The following OSBPL8 variants were observed in gnomAD, a reference collection of about 807,000 sequenced individuals.
The protein encoded by OSBPL8 is oxysterol-binding protein-related protein 8.
A neutral mutation model predicts 125.5 loss-of-function variants in OSBPL8; 59 were observed. The observed-to-expected ratio is 0.47, with a 90% CI of 0.38 to 0.58. OSBPL8 has a LOEUF of 0.58. Ranked by LOEUF, OSBPL8 falls within the 20% of genes least tolerant of loss-of-function variation. The probability of loss-of-function intolerance (pLI) is 0.00; values close to 1 mark genes in which losing one functional copy is unlikely to be tolerated. For missense variants in OSBPL8, 758 were observed against 1,047.8 expected (o/e 0.72, Z 3.82); for synonymous variants, 330 against 338.9 (o/e 0.97, Z 0.29).
rs551130812 is a variant in OSBPL8 at position 76,519,404 on chromosome 12, T to C, written c.-67-31786A>G. Among the ~76,000 whole-genome samples the C allele has an allele frequency of 1.8e-4, 27 of 152,300 alleles. No individual in the cohort carries two copies. In the South Asian group the frequency reaches 5.4e-3, roughly 30 times the overall value. ...TATCAGTATTTTGGTCACAACCGTT[T>C]ATCCAGTATCTAAGAAATTCCAAAC... On this transcript the variant is annotated intron_variant, in intron 1 of 23. Transcript: ENST00000261183.
At chr12:76,359,666 G>C (rs986801768) in intron 21 of OSBPL8, among the ~76,000 whole-genome samples, 18 of 152,254 alleles carry the variant, frequency 1.2e-4, no homozygotes, top group African/African-American at 4.3e-4. Flanking sequence ...TGCAGAGGTC[G>C]CAAAATCATG....
At chr12:76,451,087 G>T in intron 3 of OSBPL8, 99 bp from the exon 4 acceptor site, 1 of 1,263,638 alleles carries the variant, frequency 7.9e-7, no homozygotes, top group Non-Finnish European at 1.1e-6. Context: ...AAATGGCCTT[G>T]GTGGTTATAT....
chr12:76,443,663 C>T (rs533869303), intron 4 of OSBPL8, among the ~76,000 whole-genome samples: 2 of 152,254 alleles, frequency 1.3e-5, no homozygotes, highest in South Asian at 2.1e-4. Flanking sequence ...CATGCACCAT[C>T]ATGCCTGGCT....
At chr12:76,556,737 C>T (rs377196570) in intron 1 of OSBPL8, among the ~76,000 whole-genome samples, 2 of 152,158 alleles carry the variant, frequency 1.3e-5, no homozygotes, top group Non-Finnish European at 2.9e-5. Context: ...GATCTTGGCT[C>T]GTTGCAATCT....
intron 4 of OSBPL8, among the ~76,000 whole-genome samples, chr12:76,430,079 T>G (rs1355667620): frequency 6.6e-6 from 1 of 152,090 alleles, no homozygotes; most frequent in East Asian, 1.9e-4. Flanking sequence ...AGCCCCACTC[T>G]AGACCTCAAA....
chr12:76,484,184 C>T (rs920299683), intron 2 of OSBPL8, among the ~76,000 whole-genome samples: 2 of 152,166 alleles, frequency 1.3e-5, no homozygotes, highest in African/African-American at 2.4e-5. Context: ...TTCCATCCTG[C>T]CTTAATATTT....
chr12:76,414,567 A>T (rs35461087), intron 4 of OSBPL8, among the ~76,000 whole-genome samples: 76,853 of 149,496 alleles, frequency 0.51, 21,323 homozygotes, highest in African/African-American at 0.72. Context: ...TCCTTCAACC[A>T]CAGCCTCCTG....
At chr12:76,553,602 G>C (rs1951007062) in intron 1 of OSBPL8, among the ~76,000 whole-genome samples, 2 of 151,812 alleles carry the variant, frequency 1.3e-5, no homozygotes, top group Admixed American at 1.3e-4. Flanking sequence ...GAGCCTGGGA[G>C]GTCGAGGCTG....
intron 4 of OSBPL8, among the ~76,000 whole-genome samples, chr12:76,432,054 T>C (rs1292341757): frequency 6.6e-6 from 1 of 152,070 alleles, no homozygotes; most frequent in East Asian, 1.9e-4. Context: ...AACGAAACAG[T>C]AAGTAATCAA....
At chr12:76,416,852 A>G (rs1368019618) in intron 4 of OSBPL8, among the ~76,000 whole-genome samples, 3 of 151,994 alleles carry the variant, frequency 2.0e-5, no homozygotes, top group African/African-American at 7.2e-5. Context: ...CCCATACTCT[A>G]TTGTCCTCTA....
At chr12:76,491,115 T>C (rs546352429) in intron 1 of OSBPL8, among the ~76,000 whole-genome samples, 6 of 152,178 alleles carry the variant, frequency 3.9e-5, no homozygotes, top group Admixed American at 3.9e-4. Flanking sequence ...GAGTGGAGAG[T>C]AGCAGGCTGA....
At chr12:76,392,530 G>C in intron 10 of OSBPL8, 51 bp downstream of exon 10, 2 of 1,506,598 alleles carry the variant, frequency 1.3e-6, no homozygotes, top group Non-Finnish European at 1.8e-6. Context: ...CTAATTTTGT[G>C]AACAGTATGG....
chr12:76,404,971 T>C (rs1275278338), intron 5 of OSBPL8, among the ~76,000 whole-genome samples: 1 of 152,186 alleles, frequency 6.6e-6, no homozygotes, highest in Non-Finnish European at 1.5e-5. Context: ...GTATCCCTCT[T>C]TTACTAATGA....
At chr12:76,435,623 C>T (rs1381163796) in intron 4 of OSBPL8, among the ~76,000 whole-genome samples, 8 of 151,850 alleles carry the variant, frequency 5.3e-5, no homozygotes, top group Non-Finnish European at 1.5e-5. Context: ...TCACAAAACA[C>T]CAAGTTGTAC....
chr12:76,487,589 A>G lies in OSBPL8; in HGVS notation c.-38T>C, dbSNP rs1436772113. ...TAGGTTTATGCTTCTCTTTCCATTA[A>G]TGTGCAGCCATTCTGTAAATCTGCA... On this transcript the variant is annotated 5_prime_UTR_variant, in exon 2 of 24. Coordinates refer to ENST00000261183, the MANE Select transcript of OSBPL8 (RefSeq NM_020841.5). 6.5e-7 allele frequency: 1 copy of G among 1,542,236 alleles called. No homozygotes were observed. Among genetic ancestry groups the G allele is most frequent in the Non-Finnish European group, 8.8e-7 (1 of 1,141,238 alleles).
At chr12:76,544,369 AT>A (rs1950727493) in intron 1 of OSBPL8, among the ~76,000 whole-genome samples, 1 of 152,206 alleles carries the variant, frequency 6.6e-6, no homozygotes, top group Non-Finnish European at 1.5e-5. Context: ...AAAAGATATA[AT>A]TTGTCACCAC....
intron 16 of OSBPL8, among the ~76,000 whole-genome samples, chr12:76,377,032 T>C (rs367896792): frequency 9.2e-5 from 14 of 152,190 alleles, no homozygotes; most frequent in East Asian, 3.9e-4. Flanking sequence ...GGTGTTTGGT[T>C]TTCTGTTTCT....
chr12:76,379,029 T>C (rs1952935124), intron 15 of OSBPL8, among the ~76,000 whole-genome samples: 1 of 151,880 alleles, frequency 6.6e-6, no homozygotes, highest in African/African-American at 2.4e-5. Context: ...TTGGGTGATC[T>C]GCCCACCTCG....
At chr12:76,533,480 T>C (rs772720774) in intron 1 of OSBPL8, among the ~76,000 whole-genome samples, 3 of 152,216 alleles carry the variant, frequency 2.0e-5, no homozygotes, top group Non-Finnish European at 2.9e-5. Context: ...AAATATCTAT[T>C]TGAGCAGCTG....
Sources: gnomAD v4.1 joint callset for allele counts (sites outside exome capture counted in the v4.1 genomes callset) on GRCh38, gnomAD v4.1.1 for gene constraint, MANE v1.5 for transcripts, NCBI Gene and HGNC (gene_info 2026-07-23, HGNC 2026-07-21) for gene names.